CCDC28A: variants seen among roughly 807,000 people sequenced by gnomAD.
The protein encoded by CCDC28A is coiled-coil domain-containing protein 28A.
CCDC28A carries 24 observed loss-of-function variants against 22.1 expected under a neutral mutation model. That is an observed-to-expected ratio of 1.09 (90% CI 0.79 to 1.53). The LOEUF (loss-of-function observed/expected upper bound fraction) is 1.53. Ranked by LOEUF, CCDC28A falls within the 40% of genes most tolerant of loss-of-function variation. The pLI is 0.00. For missense variants in CCDC28A, 170 were observed against 210.7 expected, an observed-to-expected ratio of 0.81 and a Z score of 1.20; for synonymous variants, 83 against 74.7, an observed-to-expected ratio of 1.11 and a Z score of -0.57.
intron 1 of CCDC28A, 83 bp downstream of exon 1, chr6:138,773,985 G>C: frequency 6.7e-7 from 1 of 1,501,746 alleles, no homozygotes; most frequent in South Asian, 1.2e-5. Context: ...GGTACTGGGC[G>C]GTGAAGGGTC....
At chr6:138,789,498 G>A (rs571871748) in intron 5 of CCDC28A, among the ~76,000 whole-genome samples, 1 of 152,256 alleles carries the variant, frequency 6.6e-6, no homozygotes, top group East Asian at 1.9e-4. Flanking sequence ...TATTCATACT[G>A]TTATTAACTG....
At chr6:138,779,666 T>C (rs761695342) in intron 2 of CCDC28A, among the ~76,000 whole-genome samples, 156 bp from the exon 3 acceptor site, 8 of 152,230 alleles carry the variant, frequency 5.3e-5, no homozygotes, top group Non-Finnish European at 1.0e-4. Flanking sequence ...AACCTTTTTT[T>C]TCTTTTGGTT....
chr6:138,786,430 A>G (rs1775094415), intron 4 of CCDC28A, among the ~76,000 whole-genome samples: 1 of 152,276 alleles, frequency 6.6e-6, no homozygotes, highest in Non-Finnish European at 1.5e-5. Flanking sequence ...AATTGAATTC[A>G]ACACACGTTA....
At chr6:138,782,392 C>T (rs1775034047) in intron 3 of CCDC28A, among the ~76,000 whole-genome samples, 1 of 152,134 alleles carries the variant, frequency 6.6e-6, no homozygotes, top group African/African-American at 2.4e-5. Flanking sequence ...CATCAATCTG[C>T]CTGGGAATCA....
At chr6:138,777,948 G>T (rs1435542084) in intron 2 of CCDC28A, among the ~76,000 whole-genome samples, 1 of 152,074 alleles carries the variant, frequency 6.6e-6, no homozygotes, top group East Asian at 1.9e-4. Flanking sequence ...TGTGGGATGG[G>T]GGGCTTCAGA....
At chr6:138,788,665 C>G (rs1253734102) in intron 5 of CCDC28A, among the ~76,000 whole-genome samples, 1 of 147,190 alleles carries the variant, frequency 6.8e-6, no homozygotes, top group African/African-American at 2.5e-5. Context: ...AGTCTCAAAC[C>G]TCCCAGGCTC....
Position 138,792,759 on chromosome 6 carries a change from C to T in CCDC28A, c.511C>T (p.His171Tyr). 1 of 1,604,766 alleles carries T rather than the reference C, an allele frequency of 6.2e-7. No individual in the cohort carries two copies. The highest frequency in any genetic ancestry group is 8.5e-7 in the Non-Finnish European group (1 of 1,174,212). Residue 171 changes from histidine (H) to tyrosine (Y), a missense_variant, in exon 6 of 6, where the codon CAT (histidine) becomes TAT (tyrosine). By Grantham distance (83) the His-to-Tyr change is moderately conservative (BLOSUM62 2). Transcript: ENST00000617445. The stretch of plus-strand genomic sequence containing the variant: ...AACTGATTAATTCAGACAAAAACTC[C>T]ATTTGGCAGATGCACAAGATGTTCC... The part of the protein sequence containing the change: ...EELNSSIQKL[H>Y]LADAQDVPNT...
chr6:138,785,417 A>T, intron 4 of CCDC28A, 36 bp downstream of exon 4: 1 of 1,548,070 alleles, frequency 6.5e-7, no homozygotes, highest in Non-Finnish European at 8.8e-7. Context: ...CTTTAAAAAA[A>T]AATTTTTGTT....
intron 5 of CCDC28A, among the ~76,000 whole-genome samples, chr6:138,790,387 TG>T (rs1308569624): frequency 6.6e-6 from 1 of 152,218 alleles, no homozygotes; most frequent in Non-Finnish European, 1.5e-5. Flanking sequence ...CCGACTCAGG[TG>T]GTCTGCCCGC....
chr6:138,779,603 CT>C (rs1774986959), intron 2 of CCDC28A, among the ~76,000 whole-genome samples: 1 of 152,106 alleles, frequency 6.6e-6, no homozygotes, highest in South Asian at 2.1e-4. Context: ...ATTAATCAAA[CT>C]TTTTATATGC....
intron 4 of CCDC28A, among the ~76,000 whole-genome samples, chr6:138,788,079 A>C (rs1486772411): frequency 6.8e-6 from 1 of 147,464 alleles, no homozygotes; most frequent in Non-Finnish European, 1.5e-5. Flanking sequence ...CTCCCACCTC[A>C]GCCTCCTAAG....
At chr6:138,777,759 G>A (rs949159775) in intron 2 of CCDC28A, among the ~76,000 whole-genome samples, 2 of 152,336 alleles carry the variant, frequency 1.3e-5, no homozygotes, top group South Asian at 4.1e-4. Context: ...TTTGTTTTCT[G>A]AGAGGGTTAT....
chr6:138,791,274 G>T (rs1775165098), intron 5 of CCDC28A, among the ~76,000 whole-genome samples: 1 of 151,754 alleles, frequency 6.6e-6, no homozygotes, highest in Non-Finnish European at 1.5e-5. Context: ...AGATAACGGG[G>T]TCTTGCTATG....
At position 138,779,861 on chromosome 6, in the gene CCDC28A, C is replaced by A; in HGVS notation, c.198C>A (p.Gly66=). 6.2e-7 allele frequency: 1 copy of A among 1,613,842 alleles called. No individual in the cohort carries two copies. The part of the protein sequence containing the change: ...KEKTKPQGGE[G]KGAQSTPIQH... ...AGACCAAACCTCAGGGTGGAGAGGG[C>A]AAAGGCGCTCAGTCAACTCCGATCC... The change falls in exon 3 of 6, where the codon GGC becomes GGA. Residue 66 remains glycine (G), a synonymous_variant. Transcript: ENST00000617445.
chr6:138,778,294 A>G (rs1461730102), intron 2 of CCDC28A, among the ~76,000 whole-genome samples: 2 of 152,254 alleles, frequency 1.3e-5, no homozygotes, highest in East Asian at 3.9e-4. Context: ...TGTAGTGTGC[A>G]TTGGGTTATA....
Position 138,779,832 on chromosome 6 carries a change from GA to G in CCDC28A, c.173del (p.Lys58ArgfsTer39). On this transcript the variant is annotated frameshift_variant, in exon 3 of 6. Transcript: ENST00000617445. LOFTEE classifies it high-confidence loss of function. Reference protein sequence around the residue: ...QRPKLKRVMKEKTKPQGGEGK... With the variant: ...QRPKLKRVMKXKTKPQGGEGK... The stretch of plus-strand genomic sequence containing the variant: ...TCATCGTCTTTACAGAGTGATGAAA[GA>G]AAAGACCAAACCTCAGGGTGGAGAG... 6.2e-7 allele frequency: 1 copy of G among 1,611,430 alleles called. No homozygotes were observed.
Position 138,776,353 on chromosome 6 carries a change from CTTT to C in CCDC28A, c.158+79_158+81del. ...TCCTGACTCAACTTCTTCTTAAACA[CTTT>C]TTTAGTCTTGGCTTGACTTTTAAAA... On this transcript the variant is annotated intron_variant, in intron 2 of 5. Transcript: ENST00000617445. 4 of 1,206,518 alleles carry C rather than the reference CTTT, an allele frequency of 3.3e-6. No individual in the cohort carries two copies. The South Asian group carries it at 5.0e-5, about 15-fold the overall frequency. 74.7% of individuals were successfully genotyped at this position (1,206,518 alleles called of 1,614,324 possible). A position where few individuals can be genotyped will look rare whatever the true frequency, so the allele number is the denominator to read the frequency against.
Position 138,785,358 on chromosome 6 carries a change from A to G in CCDC28A, c.454A>G (p.Asn152Asp). 1 of 1,613,748 alleles carries G rather than the reference A, an allele frequency of 6.2e-7. No individual in the cohort carries two copies. Among genetic ancestry groups the G allele is most frequent in the Non-Finnish European group, 8.5e-7 (1 of 1,179,730 alleles). Residue 152 changes from asparagine (N) to aspartate (D), a missense_variant, in exon 4 of 6, where the codon AAT becomes GAT. Transcript: ENST00000617445. ...EDKRKTASDS[N>D]LDRLLSDLEE... The stretch of plus-strand genomic sequence containing the variant: ...TAAGAGAAAAACAGCCAGTGACTCC[A>G]ATCTGGATAGGCTTCTGTCAGATGT...
At chr6:138,784,524 T>A (rs899121179) in intron 3 of CCDC28A, among the ~76,000 whole-genome samples, 1 of 151,772 alleles carries the variant, frequency 6.6e-6, no homozygotes, top group Middle Eastern at 3.2e-3. Context: ...TTAATGCGTG[T>A]TTTTTAAAAA....
Sources: allele counts gnomAD v4.1 joint callset (sites outside exome capture counted in the v4.1 genomes callset), GRCh38; gene constraint gnomAD v4.1.1; transcripts MANE v1.5; gene names NCBI Gene and HGNC (gene_info 2026-07-23, HGNC 2026-07-21).